The following TBL1XR1 variants were observed in gnomAD, a reference collection of about 807,000 sequenced individuals.
TBL1XR1 encodes F-box-like/WD repeat-containing protein TBL1XR1.
A neutral mutation model predicts 66.9 loss-of-function variants in TBL1XR1; 5 were observed. That is an observed-to-expected ratio of 0.07 (90% CI 0.04 to 0.16). The LOEUF is 0.16. TBL1XR1 is among the 10% of genes least tolerant of loss of function. The pLI is 1.00. For synonymous variants in TBL1XR1, 210 were observed against 206.0 expected (o/e 1.02, Z -0.17); for missense variants, 238 against 623.2 (o/e 0.38, Z 6.58).
At chr3:177,059,529 C>G (rs1718239417) in intron 3 of TBL1XR1, among the ~76,000 whole-genome samples, 1 of 151,908 alleles carries the variant, frequency 6.6e-6, no homozygotes, top group African/African-American at 2.4e-5. Context: ...TAATAATCAT[C>G]TCAAAAAACA....
At chr3:177,131,302 C>T in intron 1 of TBL1XR1, 2 of 982,476 alleles carry the variant, frequency 2.0e-6, no homozygotes, top group Non-Finnish European at 2.4e-6. Context: ...CATAAAGACC[C>T]TTAAGAGAGA....
intron 1 of TBL1XR1, among the ~76,000 whole-genome samples, chr3:177,195,177 T>G (rs1300147570): frequency 6.6e-6 from 1 of 151,874 alleles, no homozygotes; most frequent in Admixed American, 6.6e-5. Flanking sequence ...TACATACATC[T>G]CAGTGCAGGA....
chr3:177,112,107 A>ATATATATATATTTTTTTTTTTT, intron 1 of TBL1XR1, among the ~76,000 whole-genome samples: 1 of 37,652 alleles, frequency 2.7e-5, no homozygotes, highest in Non-Finnish European at 4.5e-5. Context: ...ATATATATAT[A>ATATATATATATTTTTTTTTTTT]TTTTTTTTTT....
At chr3:177,163,151 A>C (rs1167227708) in intron 1 of TBL1XR1, among the ~76,000 whole-genome samples, 3 of 152,204 alleles carry the variant, frequency 2.0e-5, no homozygotes, top group Non-Finnish European at 4.4e-5. Context: ...AATATCCATC[A>C]ATGAAGGGAC....
At chr3:177,123,685 CTCAA>C (rs1411128052) in intron 1 of TBL1XR1, among the ~76,000 whole-genome samples, 3 of 152,018 alleles carry the variant, frequency 2.0e-5, no homozygotes, top group African/African-American at 4.8e-5. Flanking sequence ...ATTCATTTGC[CTCAA>C]TCAGATTATA....
chr3:177,092,057 G>C (rs1306958162), intron 2 of TBL1XR1, among the ~76,000 whole-genome samples: 2 of 152,232 alleles, frequency 1.3e-5, no homozygotes, highest in Non-Finnish European at 1.5e-5. Flanking sequence ...AAAACGATTG[G>C]GACTACAAGT....
intron 1 of TBL1XR1, among the ~76,000 whole-genome samples, chr3:177,121,870 A>G (rs2108757954): frequency 6.6e-6 from 1 of 152,266 alleles, no homozygotes; most frequent in Non-Finnish European, 1.5e-5. Context: ...AAAATCCATG[A>G]AACTTCCAAC....
rs1714220345 is a variant in TBL1XR1, at chr3:177,032,963, A to G, written c.1416+8T>C. The stretch of plus-strand genomic sequence containing the variant: ...GAGCACTTGACCATTTAAATAATGA[A>G]GACATACCTGCGTGTTCCAGATGTG... On this transcript the variant is annotated splice_region_variant and intron_variant, in intron 14 of 15. Coordinates refer to ENST00000457928, the MANE Select transcript of TBL1XR1 (RefSeq NM_024665.7). 6.4e-7 allele frequency: 1 copy of G among 1,561,816 alleles called. No homozygotes were observed. The highest frequency in any genetic ancestry group is 8.7e-7 in the Non-Finnish European group (1 of 1,150,772).
At position 177,058,439 on chromosome 3, in the gene TBL1XR1, T is replaced by C. The variant is rs137979132; in HGVS notation, c.59-4521A>G. ...TTGCCCTTAAAAATACATGTAACTA[T>C]GAACATTTTATATAAATAATACTTT... On this transcript the variant is annotated intron_variant, in intron 3 of 15. Transcript: ENST00000457928. Among the ~76,000 whole-genome samples, 1,057 of 152,310 alleles carry C rather than the reference T, an allele frequency of 6.9e-3. 7 individuals carry two copies. The highest frequency in any genetic ancestry group is 0.025 in the African/African-American group (1,020 of 41,558).
intron 1 of TBL1XR1, among the ~76,000 whole-genome samples, chr3:177,152,484 G>C (rs147131250): frequency 6.6e-6 from 1 of 151,974 alleles, no homozygotes; most frequent in South Asian, 2.1e-4. Context: ...ATGGGGTTTC[G>C]CCATTTTGGC....
At chr3:177,169,550 T>C (rs987821125) in intron 1 of TBL1XR1, among the ~76,000 whole-genome samples, 44 of 152,296 alleles carry the variant, frequency 2.9e-4, no homozygotes, top group African/African-American at 1.0e-3. Context: ...GCACTACATG[T>C]ATATTCAGGC....
At chr3:177,111,717 G>T (rs943672429) in intron 1 of TBL1XR1, among the ~76,000 whole-genome samples, 1 of 152,074 alleles carries the variant, frequency 6.6e-6, no homozygotes, top group Non-Finnish European at 1.5e-5. Context: ...CACGTGTCAG[G>T]AATCTCTTTG....
At chr3:177,031,395 T>G (rs1291296827) in intron 14 of TBL1XR1, among the ~76,000 whole-genome samples, 1 of 151,096 alleles carries the variant, frequency 6.6e-6, no homozygotes, top group African/African-American at 2.4e-5. Flanking sequence ...AGTGCCGTGG[T>G]GTGATCTTGG....
intron 2 of TBL1XR1, among the ~76,000 whole-genome samples, chr3:177,074,427 G>GC (rs1220099099): frequency 6.6e-6 from 1 of 152,290 alleles, no homozygotes; most frequent in Admixed American, 6.5e-5. Flanking sequence ...GGAAGCCTAA[G>GC]CCTAGGGAAA....
chr3:177,085,829 A>G (rs1241253098), intron 2 of TBL1XR1, among the ~76,000 whole-genome samples: 2 of 152,180 alleles, frequency 1.3e-5, no homozygotes, highest in Admixed American at 6.5e-5. Flanking sequence ...CTATTATTCT[A>G]TGGGTGCCTG....
chr3:177,189,757 G>A (rs1735900208), intron 1 of TBL1XR1, among the ~76,000 whole-genome samples: 1 of 151,824 alleles, frequency 6.6e-6, no homozygotes. Flanking sequence ...AAAATTTACT[G>A]AAGGGAGATG....
intron 1 of TBL1XR1, among the ~76,000 whole-genome samples, chr3:177,123,426 G>A (rs983347554): frequency 3.9e-5 from 6 of 151,908 alleles, no homozygotes; most frequent in Non-Finnish European, 7.4e-5. Context: ...TTCAGACTAT[G>A]CTCAAATCTT....
intron 1 of TBL1XR1, among the ~76,000 whole-genome samples, chr3:177,187,943 CTTTTTTTTTTT>C (rs571361204): frequency 1.3e-5 from 1 of 77,838 alleles, no homozygotes; most frequent in Non-Finnish European, 2.2e-5. Flanking sequence ...GTACAATTTC[CTTTTTTTTTTT>C]TTTTTTTTTT....
intron 1 of TBL1XR1, among the ~76,000 whole-genome samples, chr3:177,172,728 A>G (rs1733715371): frequency 1.3e-5 from 2 of 151,330 alleles, no homozygotes; most frequent in South Asian, 4.2e-4. Context: ...AGCCGAGCCA[A>G]GCCAAGCCAA....
Sources: allele counts gnomAD v4.1 joint callset (sites outside exome capture counted in the v4.1 genomes callset), GRCh38; gene constraint gnomAD v4.1.1; transcripts MANE v1.5; gene names NCBI Gene and HGNC (gene_info 2026-07-23, HGNC 2026-07-21).